CTNNA2: variants seen among roughly 807,000 people sequenced by gnomAD.
CTNNA2 encodes catenin alpha-2.
In CTNNA2, 42 loss-of-function variants were observed where a neutral mutation model predicts 101.0. The ratio of observed to expected loss-of-function variants is 0.42; its 90% confidence interval spans 0.32 to 0.54. The LOEUF (loss-of-function observed/expected upper bound fraction) is 0.54. CTNNA2 is among the 20% of genes least tolerant of loss of function. The pLI is 0.14. For synonymous variants in CTNNA2, 450 were observed against 456.4 expected, an observed-to-expected ratio of 0.99 and a Z score of 0.18; for missense variants, 871 against 1,223.1, an observed-to-expected ratio of 0.71 and a Z score of 4.29.
At chr2:79,800,315 C>T (rs1048284716) in intron 3 of CTNNA2, among the ~76,000 whole-genome samples, 16 of 152,130 alleles carry the variant, frequency 1.1e-4, no homozygotes, top group African/African-American at 3.9e-4. Flanking sequence ...TAGCCCCTCA[C>T]CTCTTTTCTA....
At chr2:80,162,139 A>G (rs1368280986) in intron 7 of CTNNA2, among the ~76,000 whole-genome samples, 2 of 152,156 alleles carry the variant, frequency 1.3e-5, no homozygotes, top group Non-Finnish European at 2.9e-5. Context: ...ACAAAAAGAT[A>G]ACAAATAATT....
At chr2:80,343,588 C>T (rs1672437839) in intron 7 of CTNNA2, among the ~76,000 whole-genome samples, 1 of 151,984 alleles carries the variant, frequency 6.6e-6, no homozygotes, top group Admixed American at 6.6e-5. Context: ...TTTCTTTGAT[C>T]GTCTTGGCCT....
chr2:79,424,465 T>C (rs1573159695), intron 4 of CTNNA2, among the ~76,000 whole-genome samples: 1 of 152,224 alleles, frequency 6.6e-6, no homozygotes, highest in East Asian at 1.9e-4. Flanking sequence ...TTCAGTGAAG[T>C]GAAATATAGT....
chr2:79,999,586 A>G (rs976011986), intron 7 of CTNNA2, among the ~76,000 whole-genome samples: 8 of 152,162 alleles, frequency 5.3e-5, no homozygotes, highest in Non-Finnish European at 7.3e-5. Flanking sequence ...TCTTCTATAC[A>G]TTATTTTATT....
intron 9 of CTNNA2, among the ~76,000 whole-genome samples, chr2:80,467,722 G>C (rs1177119016): frequency 1.3e-5 from 2 of 152,080 alleles, no homozygotes; most frequent in African/African-American, 4.8e-5. Flanking sequence ...TTAATAATAT[G>C]GGGGCTTTTG....
chr2:79,660,303 A>G (rs1334078411), intron 2 of CTNNA2, among the ~76,000 whole-genome samples: 2 of 149,954 alleles, frequency 1.3e-5, no homozygotes, highest in Non-Finnish European at 1.5e-5. Context: ...GTATATACAT[A>G]TGTATGTGTA....
chr2:79,352,266 G>C (rs1403691712), intron 3 of CTNNA2, among the ~76,000 whole-genome samples: 1 of 151,766 alleles, frequency 6.6e-6, no homozygotes, highest in African/African-American at 2.4e-5. Flanking sequence ...TTTCAGAACT[G>C]TTATTGGTGT....
chr2:80,391,799 T>C (rs1434468480), intron 7 of CTNNA2, among the ~76,000 whole-genome samples: 1 of 152,192 alleles, frequency 6.6e-6, no homozygotes, highest in East Asian at 1.9e-4. Context: ...TATTTCAAAG[T>C]TGTAAAATGT....
At chr2:79,268,711 G>A (rs1675021337) in intron 2 of CTNNA2, among the ~76,000 whole-genome samples, 1 of 152,072 alleles carries the variant, frequency 6.6e-6, no homozygotes, top group Admixed American at 6.6e-5. Flanking sequence ...CCTGGCTGGT[G>A]CCTACTACAG....
intron 2 of CTNNA2, among the ~76,000 whole-genome samples, chr2:79,266,464 C>T (rs762861618): frequency 6.6e-6 from 1 of 152,184 alleles, no homozygotes; most frequent in Non-Finnish European, 1.5e-5. Flanking sequence ...TACTTATCTA[C>T]TGATATTTCC....
At chr2:79,577,452 G>C (rs1418701584) in intron 1 of CTNNA2, among the ~76,000 whole-genome samples, 2 of 152,050 alleles carry the variant, frequency 1.3e-5, no homozygotes, top group African/African-American at 4.8e-5. Context: ...GATATGACAA[G>C]TTACAAGCAA....
At chr2:79,345,710 T>C (rs62156622) in intron 3 of CTNNA2, among the ~76,000 whole-genome samples, 2,323 of 152,278 alleles carry the variant, frequency 0.015, 18 homozygotes, top group Non-Finnish European at 0.024. Flanking sequence ...TTGTCTGTTT[T>C]GAGACAGAGT....
At chr2:80,587,191 G>A (rs1156684529) in intron 14 of CTNNA2, among the ~76,000 whole-genome samples, 5 of 152,194 alleles carry the variant, frequency 3.3e-5, no homozygotes, top group African/African-American at 4.8e-5. Flanking sequence ...TTAAAATGGG[G>A]ATAGTAATAG....
At chr2:79,381,778 T>C (rs1558653701) in intron 4 of CTNNA2, among the ~76,000 whole-genome samples, 1 of 152,200 alleles carries the variant, frequency 6.6e-6, no homozygotes, top group Non-Finnish European at 1.5e-5. Context: ...AACAAGCATC[T>C]CTCCATTTGA....
chr2:80,437,934 G>T (rs1364520561), intron 9 of CTNNA2, among the ~76,000 whole-genome samples: 1 of 152,204 alleles, frequency 6.6e-6, no homozygotes, highest in Admixed American at 6.5e-5. Flanking sequence ...GGAGGCAGAA[G>T]TTGCAGTCAG....
At chr2:80,216,982 C>T (rs1277453442) in intron 7 of CTNNA2, among the ~76,000 whole-genome samples, 3 of 151,868 alleles carry the variant, frequency 2.0e-5, no homozygotes, top group Admixed American at 6.6e-5. Context: ...TGACTACAGG[C>T]GTACACCACC....
At chr2:80,039,376 A>T (rs1695883824) in intron 7 of CTNNA2, among the ~76,000 whole-genome samples, 1 of 152,184 alleles carries the variant, frequency 6.6e-6, no homozygotes, top group Non-Finnish European at 1.5e-5. Context: ...TGTCCGGGGA[A>T]ATGTGGAGCC....
At position 79,956,843 on chromosome 2, in the gene CTNNA2, G is replaced by GTTTTT. The variant is rs66471325; in HGVS notation, c.1056+47067_1056+47071dup. Among the ~76,000 whole-genome samples, 20 of 98,904 alleles carry GTTTTT rather than the reference G, an allele frequency of 2.0e-4. 1 individual carries two copies. The highest frequency in any genetic ancestry group is 7.5e-4 in the African/African-American group (16 of 21,350). 64.9% of individuals were successfully genotyped at this position (98,904 alleles called of 152,430 possible). On this transcript the variant is annotated intron_variant, in intron 7 of 18. Coordinates refer to ENST00000402739, the MANE Select transcript of CTNNA2 (RefSeq NM_001282597.3). ...TTTCATTTACTATGAATACGTGTGGGTTTTTTTTTTTTTTTTTTTTTTTTT... is the reference window on the plus strand; with the variant it reads ...TTTCATTTACTATGAATACGTGTGGGTTTTTTTTTTTTTTTTTTTTTTTTTTTTTT...
At chr2:80,561,732 C>T (rs1693611167) in intron 12 of CTNNA2, among the ~76,000 whole-genome samples, 1 of 152,136 alleles carries the variant, frequency 6.6e-6, no homozygotes, top group African/African-American at 2.4e-5. Flanking sequence ...GCAGTCTCTG[C>T]TCACTGCAAC....
Sources: gnomAD v4.1 joint callset for allele counts (sites outside exome capture counted in the v4.1 genomes callset) on GRCh38, gnomAD v4.1.1 for gene constraint, MANE v1.5 for transcripts, NCBI Gene and HGNC (gene_info 2026-07-23, HGNC 2026-07-21) for gene names.